The following PRPF18 variants were observed in gnomAD, a reference collection of about 807,000 sequenced individuals.
The protein encoded by PRPF18 is pre-mRNA-splicing factor 18.
Under a neutral mutation model 46.5 loss-of-function variants are expected in PRPF18, and 38 were observed. The observed-to-expected ratio is 0.82, with a 90% CI of 0.63 to 1.07. The LOEUF (loss-of-function observed/expected upper bound fraction) is 1.07. Ranked by LOEUF, PRPF18 falls within the 50% of genes least tolerant of loss-of-function variation. The probability of loss-of-function intolerance (pLI) is 0.00; values close to 1 mark genes in which losing one functional copy is unlikely to be tolerated. For missense variants in PRPF18, 263 were observed against 410.0 expected, an observed-to-expected ratio of 0.64 and a Z score of 3.10; for synonymous variants, 152 against 146.7, an observed-to-expected ratio of 1.04 and a Z score of -0.26.
intron 9 of PRPF18, among the ~76,000 whole-genome samples, chr10:13,623,261 A>T (rs930096084): frequency 7.2e-5 from 11 of 152,228 alleles, no homozygotes; most frequent in South Asian, 2.1e-4. Context: ...GTTTTAATGC[A>T]TGACTACAAA....
At chr10:13,640,137 T>A in the PRPF18 span, 83,026 of 152,016 alleles carry the variant, frequency 0.55, 23,286 homozygotes, top group East Asian at 0.79. Context: ...TGTCCACGCC[T>A]GAGAGGTTTC....
intron 1 of PRPF18, among the ~76,000 whole-genome samples, chr10:13,592,572 G>C (rs565749673): frequency 6.6e-6 from 1 of 152,302 alleles, no homozygotes; most frequent in Admixed American, 6.5e-5. Context: ...TCAAATTGCA[G>C]AGAAGTGACT....
chr10:13,635,025 C>A (rs2080624538), downstream of PRPF18, among the ~76,000 whole-genome samples: 2 of 152,194 alleles, frequency 1.3e-5, no homozygotes, highest in Non-Finnish European at 2.9e-5. Context: ...ACTAGCTATT[C>A]TTCCTGATCC....
the PRPF18 span, chr10:13,652,327 G>A: frequency 6.5e-6 from 2 of 308,706 alleles, no homozygotes; most frequent in East Asian, 7.7e-5. Context: ...CATCTTAAGT[G>A]CATAGGACCC....
chr10:13,630,100 G>T (rs546810638), intron 9 of PRPF18, among the ~76,000 whole-genome samples, 160 bp from the exon 10 acceptor site: 201 of 152,268 alleles, frequency 1.3e-3, no homozygotes, highest in Non-Finnish European at 1.6e-4. Flanking sequence ...GGACCTGCAG[G>T]TGCACAAGAA....
intron 8 of PRPF18, among the ~76,000 whole-genome samples, chr10:13,615,537 A>G (rs78000136): frequency 0.047 from 7,206 of 152,236 alleles, 511 homozygotes; most frequent in African/African-American, 0.15. Flanking sequence ...CAGCTACCCT[A>G]TCTGTAGTAT....
chr10:13,606,733 CAAAAAAAAAAAA>C (rs34162273), intron 4 of PRPF18, among the ~76,000 whole-genome samples: 1 of 73,010 alleles, frequency 1.4e-5, no homozygotes, highest in Admixed American at 2.0e-4. Flanking sequence ...GACTCCTTCT[CAAAAAAAAAAAA>C]AAAAAAAAAA....
chr10:13,621,531 C>T (rs554491987), intron 9 of PRPF18, among the ~76,000 whole-genome samples: 23 of 152,316 alleles, frequency 1.5e-4, no homozygotes, highest in African/African-American at 5.5e-4. Context: ...CTAGCCACAG[C>T]TTCCCAGGAT....
chr10:13,652,228 A>G, the PRPF18 span: 54 of 532,388 alleles, frequency 1.0e-4, no homozygotes, highest in South Asian at 1.3e-3. Context: ...CATAGCAAAC[A>G]GTTTATGCCA....
At chr10:13,635,111 T>C (rs10796102), downstream of PRPF18, among the ~76,000 whole-genome samples, 52,210 of 152,052 alleles carry the variant, frequency 0.34, 9,365 homozygotes, top group South Asian at 0.5. Flanking sequence ...TGTGTTCTCA[T>C]TGTTCAGCTC....
chr10:13,643,990 C>A, the PRPF18 span: 39,781 of 152,440 alleles, frequency 0.26, 5,643 homozygotes, highest in East Asian at 0.6. Flanking sequence ...AAACTATTGA[C>A]ATTAATGTAT....
In PRPF18 at chr10:13,619,340, T is replaced by G. The variant is rs956356946; in HGVS notation, c.948+2787T>G. 4.6e-5 allele frequency among the ~76,000 whole-genome samples: 7 copies of G among 152,248 alleles called. 1 individual carries two copies. Among genetic ancestry groups the G allele is most frequent in the African/African-American group, 1.7e-4 (7 of 41,450 alleles). ...AAGACAAAGCTTTTTCAGAAAACGT[T>G]TTTATTTTGAAATAATTATAGACTC... On this transcript the variant is annotated intron_variant, in intron 9 of 9. Coordinates refer to ENST00000378572, the MANE Select transcript of PRPF18 (RefSeq NM_003675.4).
At chr10:13,625,973 C>T (rs1471446361) in intron 9 of PRPF18, among the ~76,000 whole-genome samples, 2 of 152,214 alleles carry the variant, frequency 1.3e-5, no homozygotes, top group African/African-American at 2.4e-5. Context: ...CTGTGCTTCC[C>T]TTCAGTACTT....
intron 6 of PRPF18, among the ~76,000 whole-genome samples, chr10:13,613,372 A>G (rs2080298868): frequency 6.6e-6 from 1 of 152,220 alleles, no homozygotes; most frequent in African/African-American, 2.4e-5. Context: ...CAGCATATGT[A>G]GAAAGTCCAG....
At chr10:13,636,690 G>T in the PRPF18 span, among the ~76,000 whole-genome samples, 1 of 152,078 alleles carries the variant, frequency 6.6e-6, no homozygotes, top group African/African-American at 2.4e-5. Context: ...AGTAACTAGC[G>T]CCCCAATCAG....
In PRPF18 at chr10:13,597,441, T is replaced by C. The variant is rs974779237; in HGVS notation, c.67-17T>C. On this transcript the variant is annotated splice_polypyrimidine_tract_variant and intron_variant, in intron 1 of 9. Coordinates refer to ENST00000378572, the MANE Select transcript of PRPF18 (RefSeq NM_003675.4). ...GCTCAAGGATATATTATTGACATAA[T>C]TTATTTTCTTTAATAGGAAAATAAA... 1 of 1,539,792 alleles carries C rather than the reference T, an allele frequency of 6.5e-7. No homozygotes were observed. The highest frequency in any genetic ancestry group is 8.8e-7 in the Non-Finnish European group (1 of 1,134,022).
chr10:13,623,992 T>C (rs1228362288), intron 9 of PRPF18, among the ~76,000 whole-genome samples: 2 of 152,226 alleles, frequency 1.3e-5, no homozygotes, highest in African/African-American at 4.8e-5. Context: ...TAGATATTTA[T>C]TTATTTATTT....
intron 3 of PRPF18, among the ~76,000 whole-genome samples, chr10:13,605,105 C>T (rs1043485952): frequency 2.6e-5 from 4 of 152,040 alleles, no homozygotes; most frequent in African/African-American, 9.7e-5. Flanking sequence ...TTTTAAAGTA[C>T]TTGATTTTCT....
At chr10:13,654,584 G>A in the PRPF18 span, 2 of 946,328 alleles carry the variant, frequency 2.1e-6, no homozygotes, top group Non-Finnish European at 3.4e-6. Context: ...CTTGCGACTT[G>A]TTGGCTGACA....
Sources: allele counts gnomAD v4.1 joint callset (sites outside exome capture counted in the v4.1 genomes callset), GRCh38; gene constraint gnomAD v4.1.1; transcripts MANE v1.5; gene names NCBI Gene and HGNC (gene_info 2026-07-23, HGNC 2026-07-21).